FUT9: variants seen among roughly 807,000 people sequenced by gnomAD.
FUT9 encodes the protein fucosyltransferase 9.
FUT9 carries 15 observed loss-of-function variants against 29.7 expected under a neutral mutation model. The observed-to-expected ratio is 0.51, with a 90% CI of 0.34 to 0.78. FUT9 has a LOEUF of 0.78. Among genes scored for constraint, FUT9 ranks in the 30% least tolerant of loss-of-function variants. The pLI, the probability that FUT9 is intolerant of heterozygous loss-of-function variation, is 0.01. For synonymous variants in FUT9, 169 were observed against 153.7 expected, an observed-to-expected ratio of 1.10 and a Z score of -0.74; for missense variants, 319 against 425.4, an observed-to-expected ratio of 0.75 and a Z score of 2.20.
At chr6:96,125,200 C>T (rs1772112309) in intron 2 of FUT9, among the ~76,000 whole-genome samples, 1 of 152,268 alleles carries the variant, frequency 6.6e-6, no homozygotes, top group South Asian at 2.1e-4. Context: ...CCAGGAGGAG[C>T]TACATAATTG....
At chr6:96,096,940 T>G (rs913101381) in intron 1 of FUT9, among the ~76,000 whole-genome samples, 1 of 152,100 alleles carries the variant, frequency 6.6e-6, no homozygotes, top group African/African-American at 2.4e-5. Context: ...TCACTGAATA[T>G]CTCTGGTGTT....
At chr6:96,055,454 T>C (rs1756652789) in intron 1 of FUT9, among the ~76,000 whole-genome samples, 1 of 151,998 alleles carries the variant, frequency 6.6e-6, no homozygotes, top group Non-Finnish European at 1.5e-5. Context: ...TGTATCTTTG[T>C]CAAAGATTAT....
At chr6:96,113,170 C>G (rs1771843027) in intron 1 of FUT9, among the ~76,000 whole-genome samples, 1 of 152,072 alleles carries the variant, frequency 6.6e-6, no homozygotes, top group East Asian at 1.9e-4. Flanking sequence ...CTTAGAGTTT[C>G]AACTATAACC....
At chr6:96,189,343 A>G (rs1773462882) in intron 2 of FUT9, among the ~76,000 whole-genome samples, 1 of 131,632 alleles carries the variant, frequency 7.6e-6, no homozygotes, top group Admixed American at 8.6e-5. Context: ...AGGGCTCCTT[A>G]AGCTACATGA....
Position 96,153,251 on chromosome 6 carries a change from C to G in FUT9, c.-9+39124C>G, listed in dbSNP as rs557401780. Among the ~76,000 whole-genome samples, 20 of 152,234 alleles carry G rather than the reference C, an allele frequency of 1.3e-4. No homozygotes were observed. In the South Asian group the frequency reaches 4.1e-3, roughly 32 times the overall value. On this transcript the variant is annotated intron_variant, in intron 2 of 2. Coordinates refer to ENST00000302103, the MANE Select transcript of FUT9 (RefSeq NM_006581.4). ...TGAAGAGCATCAGAAATTGAACAGC[C>G]TATCAGACCATCTGGGACTGTATTC... is the stretch of plus-strand genomic sequence containing the variant.
chr6:96,139,862 G>A (rs767902013), intron 2 of FUT9, among the ~76,000 whole-genome samples: 8 of 152,024 alleles, frequency 5.3e-5, no homozygotes, highest in Non-Finnish European at 1.0e-4. Context: ...GTGATTGGAG[G>A]GGGGCTGCTG....
At chr6:96,168,459 T>G (rs77180802) in intron 2 of FUT9, among the ~76,000 whole-genome samples, 5,995 of 152,218 alleles carry the variant, frequency 0.039, 204 homozygotes, top group South Asian at 0.13. Context: ...GGTGGCATCT[T>G]GACCTAAGAG....
intron 1 of FUT9, among the ~76,000 whole-genome samples, chr6:96,094,777 GT>G (rs746229088): frequency 3.3e-5 from 5 of 152,008 alleles, no homozygotes; most frequent in African/African-American, 7.2e-5. Flanking sequence ...GAACTACAAA[GT>G]TTTTTTCTTC....
chr6:96,105,756 C>A (rs1020495300), intron 1 of FUT9, among the ~76,000 whole-genome samples: 1 of 152,046 alleles, frequency 6.6e-6, no homozygotes, highest in Non-Finnish European at 1.5e-5. Flanking sequence ...TGGAGCTGAT[C>A]TGTTATTTTT....
chr6:96,026,907 T>TC (rs1171936621), intron 1 of FUT9, among the ~76,000 whole-genome samples: 1 of 151,598 alleles, frequency 6.6e-6, no homozygotes, highest in African/African-American at 2.4e-5. Flanking sequence ...AGTGCCTACC[T>TC]CCCCAACTGA....
chr6:96,180,061 C>T (rs1316279509), intron 2 of FUT9, among the ~76,000 whole-genome samples: 1 of 152,050 alleles, frequency 6.6e-6, no homozygotes, highest in Non-Finnish European at 1.5e-5. Flanking sequence ...AAATCTTCTG[C>T]AATCCTGTCT....
intron 1 of FUT9, among the ~76,000 whole-genome samples, chr6:96,094,365 A>G (rs72927971): frequency 0.069 from 10,438 of 152,190 alleles, 445 homozygotes; most frequent in South Asian, 0.12. Flanking sequence ...TTACTTAATA[A>G]TGGCCCCAAA....
At chr6:96,142,326 GA>G (rs892395897) in intron 2 of FUT9, among the ~76,000 whole-genome samples, 6 of 151,034 alleles carry the variant, frequency 4.0e-5, no homozygotes, top group Non-Finnish European at 7.4e-5. Context: ...GCTATAAATG[GA>G]AAAAAAAATG....
At chr6:96,130,003 A>C (rs9390903) in intron 2 of FUT9, among the ~76,000 whole-genome samples, 106,967 of 151,824 alleles carry the variant, frequency 0.7, 39,272 homozygotes, top group East Asian at 0.9. Flanking sequence ...CTTTGGCTAG[A>C]ATCAAAATTT....
intron 2 of FUT9, among the ~76,000 whole-genome samples, chr6:96,191,883 C>A (rs1773517789): frequency 6.6e-6 from 1 of 152,162 alleles, no homozygotes; most frequent in African/African-American, 2.4e-5. Flanking sequence ...CCCTGGGATG[C>A]AAGGCTGGTT....
At chr6:96,128,719 C>T (rs1772177702) in intron 2 of FUT9, among the ~76,000 whole-genome samples, 1 of 151,986 alleles carries the variant, frequency 6.6e-6, no homozygotes, top group South Asian at 2.1e-4. Flanking sequence ...TAAAAATAAT[C>T]AAAATGTCCA....
At chr6:96,090,530 TAA>T (rs1771394287) in intron 1 of FUT9, among the ~76,000 whole-genome samples, 1 of 151,718 alleles carries the variant, frequency 6.6e-6, no homozygotes, top group African/African-American at 2.4e-5. Context: ...AACTGAAATT[TAA>T]AAACTAAAAT....
chr6:96,019,936 T>A lies in FUT9; in HGVS notation c.-98+3724T>A, dbSNP rs9689023. 9.5e-3 allele frequency among the ~76,000 whole-genome samples: 1,444 copies of A among 152,214 alleles called. 18 individuals carry two copies. Among genetic ancestry groups the A allele is most frequent in the African/African-American group, 0.033 (1,357 of 41,548 alleles). On this transcript the variant is annotated intron_variant, in intron 1 of 2. Coordinates refer to ENST00000302103, the MANE Select transcript of FUT9 (RefSeq NM_006581.4). ...TTGTCTTTCTATAAAATAAAAACATTTTCCACTTCTTTTATTTTAAGATGT... is the reference window on the plus strand; with the variant it reads ...TTGTCTTTCTATAAAATAAAAACATATTCCACTTCTTTTATTTTAAGATGT...
In FUT9 at chr6:96,204,145, G is replaced by A; in HGVS notation, c.990G>A (p.Trp330Ter). The part of the protein sequence containing the change: ...KDFTVNLPRF[W>*]ESHACLACDH... ...TCACTGTAAATCTTCCACGATTTTG[G>A]GAATCACATGCATGTTTGGCTTGCG... is the stretch of plus-strand genomic sequence containing the variant. The change falls in exon 3 of 3, where the codon TGG (tryptophan) becomes TGA (stop). Residue 330 changes from tryptophan (W) to a stop codon, truncating the protein, a stop_gained. Coordinates refer to ENST00000302103, the MANE Select transcript of FUT9 (RefSeq NM_006581.4). LOFTEE classifies it high-confidence loss of function. The A allele has an allele frequency of 6.7e-7, 1 of 1,493,398 alleles. No homozygotes were observed. The highest frequency in any genetic ancestry group is 8.9e-7 in the Non-Finnish European group (1 of 1,120,328). 92.5% of individuals were successfully genotyped at this position (1,493,398 alleles called of 1,614,324 possible).
Sources: allele counts gnomAD v4.1 joint callset (sites outside exome capture counted in the v4.1 genomes callset), GRCh38; gene constraint gnomAD v4.1.1; transcripts MANE v1.5; gene names NCBI Gene and HGNC (gene_info 2026-07-23, HGNC 2026-07-21).